The following PTPRD variants were observed in gnomAD, a reference collection of about 807,000 sequenced individuals.
PTPRD encodes the protein receptor-type tyrosine-protein phosphatase delta.
PTPRD carries 34 observed loss-of-function variants against 214.5 expected under a neutral mutation model. The ratio of observed to expected loss-of-function variants is 0.16; its 90% CI spans 0.12 to 0.21. The LOEUF (loss-of-function observed/expected upper bound fraction) is 0.21. Ranked by LOEUF, PTPRD falls within the 10% of genes least tolerant of loss-of-function variation. The pLI is 1.00. For missense variants in PTPRD, 2,545 were observed against 2,398.7 expected, an observed-to-expected ratio of 1.06 and a Z score of -1.27; for synonymous variants, 1,128 against 845.7, an observed-to-expected ratio of 1.33 and a Z score of -5.79.
At chr9:10,517,887 G>C (rs562672295) in intron 2 of PTPRD, among the ~76,000 whole-genome samples, 1 of 152,086 alleles carries the variant, frequency 6.6e-6, no homozygotes. Context: ...CAATGAAAAT[G>C]AATAATTTTA....
intron 8 of PTPRD, among the ~76,000 whole-genome samples, chr9:9,440,343 T>G (rs1386612322): frequency 6.6e-6 from 1 of 152,240 alleles, no homozygotes. Context: ...TGGTTTGTAC[T>G]TGTTTTCTTC....
Position 10,490,867 on chromosome 9 carries a change from G to T in PTPRD, c.-600+121531C>A, listed in dbSNP as rs558302459. Among the ~76,000 whole-genome samples, 150 of 152,186 alleles carry T rather than the reference G, an allele frequency of 9.9e-4. No individual in the cohort carries two copies. The South Asian group carries it at 0.013, about 14-fold the overall frequency. ...CTTTTTGCTTTGCGCCTTTTAAAAA[G>T]TTATTAACAACTTTACTACTCCTAC... On this transcript the variant is annotated intron_variant, in intron 2 of 45. Coordinates refer to ENST00000381196, the MANE Select transcript of PTPRD (RefSeq NM_002839.4).
chr9:9,782,972 T>C (rs2098868425), intron 5 of PTPRD, among the ~76,000 whole-genome samples: 1 of 152,206 alleles, frequency 6.6e-6, no homozygotes, highest in Admixed American at 6.5e-5. Context: ...GCCCAAATTA[T>C]GAAGTCATAT....
At chr9:8,341,608 T>C (rs1251545273) in intron 40 of PTPRD, 85 bp downstream of exon 40, 1 of 1,464,486 alleles carries the variant, frequency 6.8e-7, no homozygotes, top group Non-Finnish European at 9.3e-7. Flanking sequence ...CTTCACAAAT[T>C]TGAAAGGTTA....
chr9:9,117,015 G>A (rs2099813010), intron 10 of PTPRD, among the ~76,000 whole-genome samples: 1 of 152,028 alleles, frequency 6.6e-6, no homozygotes, highest in South Asian at 2.1e-4. Context: ...AGAAGAGCGT[G>A]AGATGGGAGA....
intron 8 of PTPRD, among the ~76,000 whole-genome samples, chr9:9,413,409 C>G (rs557591500): frequency 6.6e-6 from 1 of 152,050 alleles, no homozygotes; most frequent in Non-Finnish European, 1.5e-5. Flanking sequence ...CCACCGCGCC[C>G]GGCCTGCAGC....
intron 11 of PTPRD, among the ~76,000 whole-genome samples, chr9:8,735,478 T>A (rs1369683520): frequency 6.6e-6 from 1 of 152,152 alleles, no homozygotes; most frequent in African/African-American, 2.4e-5. Flanking sequence ...CTGGGTCACA[T>A]ATTTGCATAA....
At chr9:10,007,345 T>C (rs1466352010) in intron 4 of PTPRD, among the ~76,000 whole-genome samples, 1 of 152,046 alleles carries the variant, frequency 6.6e-6, no homozygotes, top group African/African-American at 2.4e-5. Context: ...TTTATTTAAC[T>C]CTATAGAAGA....
At chr9:9,238,502 G>A (rs775751948) in intron 9 of PTPRD, among the ~76,000 whole-genome samples, 2 of 151,940 alleles carry the variant, frequency 1.3e-5, no homozygotes, top group Non-Finnish European at 2.9e-5. Flanking sequence ...CATCTGATTC[G>A]GTCAGAGAGA....
chr9:8,963,777 C>A (rs2099171079), intron 11 of PTPRD, among the ~76,000 whole-genome samples: 1 of 139,930 alleles, frequency 7.1e-6, no homozygotes, highest in Admixed American at 7.4e-5. Flanking sequence ...CATCACTATA[C>A]TTGGCTAATT....
chr9:10,140,011 T>G (rs1443909747), intron 3 of PTPRD, among the ~76,000 whole-genome samples: 1 of 151,916 alleles, frequency 6.6e-6, no homozygotes, highest in East Asian at 1.9e-4. Flanking sequence ...CAAAACTAGT[T>G]GCAACAAAAA....
At chr9:10,309,334 C>T (rs898237575) in intron 3 of PTPRD, among the ~76,000 whole-genome samples, 8 of 151,494 alleles carry the variant, frequency 5.3e-5, no homozygotes, top group African/African-American at 1.5e-4. Flanking sequence ...TTTCTTTCTT[C>T]CTTTTGTTTT....
At chr9:10,534,475 T>A (rs2057265241) in intron 2 of PTPRD, among the ~76,000 whole-genome samples, 1 of 152,066 alleles carries the variant, frequency 6.6e-6, no homozygotes, top group South Asian at 2.1e-4. Context: ...AAAACATAAT[T>A]GAAGGCAAAA....
At chr9:10,053,708 T>C (rs1313734708) in intron 3 of PTPRD, among the ~76,000 whole-genome samples, 1 of 152,152 alleles carries the variant, frequency 6.6e-6, no homozygotes, top group Non-Finnish European at 1.5e-5. Flanking sequence ...ATGAAGATAC[T>C]AGAAAGCTAT....
At chr9:10,220,451 G>C (rs978854374) in intron 3 of PTPRD, among the ~76,000 whole-genome samples, 1 of 151,892 alleles carries the variant, frequency 6.6e-6, no homozygotes, top group Non-Finnish European at 1.5e-5. Flanking sequence ...ACCCAGGCAA[G>C]TATATCTCTA....
At position 8,499,819 on chromosome 9, in the gene PTPRD, T is replaced by A; in HGVS notation, c.2150A>T (p.Lys717Ile). 1.2e-6 allele frequency: 2 copies of A among 1,612,276 alleles called. No homozygotes were observed. Among genetic ancestry groups the A allele is most frequent in the East Asian group, 2.2e-5 (1 of 44,820 alleles). Residue 717 changes from lysine to isoleucine, a missense_variant, in exon 25 of 46, where the codon AAA (lysine) becomes ATA (isoleucine). Coordinates refer to ENST00000381196, the MANE Select transcript of PTPRD (RefSeq NM_002839.4). ...NEDVPSGPPR[K>I]VEVEAVNSTS... ...TGAGTTGACAGCCTCTACCTCGACTTTGCGAGGAGGACCACTAGGAACTGG... is the reference window on the plus strand; with the variant it reads ...TGAGTTGACAGCCTCTACCTCGACTATGCGAGGAGGACCACTAGGAACTGG...
chr9:8,931,125 A>C (rs2098949528), intron 11 of PTPRD, among the ~76,000 whole-genome samples: 1 of 151,788 alleles, frequency 6.6e-6, no homozygotes, highest in Non-Finnish European at 1.5e-5. Flanking sequence ...ATCCATCTTG[A>C]ATTAATTTTT....
chr9:9,873,290 A>C (rs185489082), intron 5 of PTPRD, among the ~76,000 whole-genome samples: 2 of 152,164 alleles, frequency 1.3e-5, no homozygotes, highest in African/African-American at 2.4e-5. Flanking sequence ...TCAGTGGTGG[A>C]AACATTAGCC....
At chr9:10,173,077 T>C (rs1341794399) in intron 3 of PTPRD, among the ~76,000 whole-genome samples, 1 of 152,194 alleles carries the variant, frequency 6.6e-6, no homozygotes, top group Admixed American at 6.5e-5. Context: ...GAATAGAATG[T>C]GGCCATTTTT....
Sources: allele counts gnomAD v4.1 joint callset (sites outside exome capture counted in the v4.1 genomes callset), GRCh38; gene constraint gnomAD v4.1.1; transcripts MANE v1.5; gene names NCBI Gene and HGNC (gene_info 2026-07-23, HGNC 2026-07-21).